The following CDH4 variants were observed in gnomAD, a reference collection of about 807,000 sequenced individuals.
CDH4 encodes cadherin 4.
In CDH4, 33 loss-of-function variants were observed where a neutral mutation model predicts 86.0. The observed-to-expected ratio is 0.38, with a 90% CI of 0.29 to 0.51. The LOEUF is 0.51. CDH4 is among the 20% of genes least tolerant of loss of function. The pLI is 0.86. For synonymous variants in CDH4, 555 were observed against 549.4 expected, an observed-to-expected ratio of 1.01 and a Z score of -0.14; for missense variants, 1,114 against 1,307.4, an observed-to-expected ratio of 0.85 and a Z score of 2.28.
chr20:61,637,663 C>G (rs922530682), intron 2 of CDH4, among the ~76,000 whole-genome samples: 1 of 152,200 alleles, frequency 6.6e-6, no homozygotes, highest in Non-Finnish European at 1.5e-5. Flanking sequence ...AGCATCTAAA[C>G]CATATAAAAT....
intron 2 of CDH4, among the ~76,000 whole-genome samples, chr20:61,695,887 G>A (rs1402374176): frequency 6.6e-6 from 1 of 152,216 alleles, no homozygotes; most frequent in Non-Finnish European, 1.5e-5. Flanking sequence ...CAGCAGGAAA[G>A]GATGCAGCTC....
At chr20:61,759,824 G>A (rs890333472) in intron 3 of CDH4, among the ~76,000 whole-genome samples, 6 of 152,120 alleles carry the variant, frequency 3.9e-5, no homozygotes, top group Admixed American at 1.3e-4. Context: ...GGGGTTGCTC[G>A]TGAGTTGGGT....
intron 2 of CDH4, among the ~76,000 whole-genome samples, chr20:61,425,137 C>T (rs1305719536): frequency 6.6e-6 from 1 of 152,202 alleles, no homozygotes; most frequent in Admixed American, 6.5e-5. Context: ...TCCGCGAGCG[C>T]CTTGAATCAC....
intron 4 of CDH4, among the ~76,000 whole-genome samples, chr20:61,790,310 C>T (rs1472990075): frequency 1.3e-5 from 2 of 151,798 alleles, no homozygotes; most frequent in Non-Finnish European, 2.9e-5. Flanking sequence ...ACCCACTATC[C>T]ATCCATTCAT....
chr20:61,366,409 C>T (rs797004551), intron 2 of CDH4, among the ~76,000 whole-genome samples: 19 of 152,204 alleles, frequency 1.2e-4, no homozygotes, highest in African/African-American at 2.9e-4. Context: ...CCTAACCCAG[C>T]GGTGCTAGAG....
intron 4 of CDH4, among the ~76,000 whole-genome samples, chr20:61,790,503 CCATT>C (rs1979121491): frequency 6.7e-6 from 1 of 150,216 alleles, no homozygotes; most frequent in East Asian, 2.0e-4. Context: ...CTCCATCCAT[CCATT>C]CATCTTTCTA....
intron 6 of CDH4, among the ~76,000 whole-genome samples, chr20:61,870,213 G>A (rs544453098): frequency 7.2e-5 from 11 of 152,314 alleles, no homozygotes; most frequent in South Asian, 2.1e-4. Flanking sequence ...TGTCCGATGC[G>A]TGACTGGCCC....
chr20:61,312,830 A>G (rs2084454787), intron 2 of CDH4, among the ~76,000 whole-genome samples: 1 of 152,168 alleles, frequency 6.6e-6, no homozygotes, highest in African/African-American at 2.4e-5. Context: ...AAGTGCCTGC[A>G]GTCCCTCCTC....
chr20:61,329,908 G>A (rs977018219), intron 2 of CDH4, among the ~76,000 whole-genome samples: 2 of 82,246 alleles, frequency 2.4e-5, no homozygotes, highest in Admixed American at 1.8e-4. Flanking sequence ...TCATTATTCA[G>A]CACTCACTTA....
chr20:61,746,434 C>T (rs2088415406), intron 3 of CDH4, among the ~76,000 whole-genome samples: 1 of 152,196 alleles, frequency 6.6e-6, no homozygotes, highest in Admixed American at 6.5e-5. Context: ...TCATCTAACC[C>T]TCTCCACACC....
intron 2 of CDH4, among the ~76,000 whole-genome samples, chr20:61,458,285 G>A (rs2085420963): frequency 6.6e-6 from 1 of 151,696 alleles, no homozygotes; most frequent in Non-Finnish European, 1.5e-5. Flanking sequence ...GGTGGTGGTG[G>A]TGATGGTGAT....
chr20:61,568,302 T>C (rs1039898575), intron 2 of CDH4, among the ~76,000 whole-genome samples: 15 of 152,232 alleles, frequency 9.9e-5, no homozygotes, highest in African/African-American at 3.4e-4. Context: ...GCTCTTCTCA[T>C]GATAGTAAGT....
Position 61,674,180 on chromosome 20 carries a change from G to T in CDH4, c.170-69383G>T, listed in dbSNP as rs752143023. Among the ~76,000 whole-genome samples the T allele has an allele frequency of 1.8e-4, 27 of 152,250 alleles. 1 individual carries two copies. Among genetic ancestry groups the T allele is most frequent in the African/African-American group, 6.0e-4 (25 of 41,554 alleles). On this transcript the variant is annotated intron_variant, in intron 2 of 15. Coordinates refer to ENST00000614565, the MANE Select transcript of CDH4 (RefSeq NM_001794.5). ...AGGCACCGAGCCCAGCACAGCACAC[G>T]CAAGGAAGAGCCAAGACTAGTGGAG...
intron 2 of CDH4, among the ~76,000 whole-genome samples, chr20:61,410,814 T>G (rs1261336977): frequency 2.6e-5 from 4 of 152,108 alleles, no homozygotes; most frequent in African/African-American, 9.7e-5. Context: ...TCCATCCATC[T>G]TCCATTCCTC....
intron 2 of CDH4, among the ~76,000 whole-genome samples, chr20:61,545,002 G>A (rs557986651): frequency 3.1e-4 from 47 of 152,178 alleles, no homozygotes; most frequent in Non-Finnish European, 5.3e-4. Flanking sequence ...CTGGGGCCCC[G>A]AGTGGACAAA....
At chr20:61,643,826 C>A (rs2087035354) in intron 2 of CDH4, among the ~76,000 whole-genome samples, 1 of 152,266 alleles carries the variant, frequency 6.6e-6, no homozygotes, top group African/African-American at 2.4e-5. Flanking sequence ...TTCCCCTCGT[C>A]ATATGTGCTT....
chr20:61,586,441 C>T (rs1449250100), intron 2 of CDH4, among the ~76,000 whole-genome samples: 2 of 152,162 alleles, frequency 1.3e-5, no homozygotes, highest in Non-Finnish European at 2.9e-5. Flanking sequence ...TAGGGCACCA[C>T]ATCTTCCACA....
At chr20:61,739,495 G>A (rs1253019145) in intron 2 of CDH4, among the ~76,000 whole-genome samples, 1 of 152,216 alleles carries the variant, frequency 6.6e-6, no homozygotes, top group Non-Finnish European at 1.5e-5. Context: ...GGTGATGTGA[G>A]GGGAGGGGTA....
At chr20:61,715,330 A>G (rs550474845) in intron 2 of CDH4, among the ~76,000 whole-genome samples, 1 of 152,302 alleles carries the variant, frequency 6.6e-6, no homozygotes, top group African/African-American at 2.4e-5. Flanking sequence ...AGAGTTTGCA[A>G]ATATTTTCTC....
Sources: allele counts gnomAD v4.1 joint callset (sites outside exome capture counted in the v4.1 genomes callset), GRCh38; gene constraint gnomAD v4.1.1; transcripts MANE v1.5; gene names NCBI Gene and HGNC (gene_info 2026-07-23, HGNC 2026-07-21).